Variants in LTBP1 observed in about 807,000 individuals in gnomAD.
LTBP1 encodes the protein latent transforming growth factor beta binding protein 1, also known as latent-transforming growth factor beta-binding protein 1.
In LTBP1, 129 loss-of-function variants were observed where a neutral mutation model predicts 207.6. The observed-to-expected ratio is 0.62, with a 90% CI of 0.54 to 0.72. The LOEUF is 0.72. Among genes scored for constraint, LTBP1 ranks in the 30% least tolerant of loss-of-function variants. The pLI is 0.00. For missense variants in LTBP1, 2,281 were observed against 2,217.2 expected (o/e 1.03, Z -0.58); for synonymous variants, 963 against 833.7 (o/e 1.16, Z -2.67).
chr2:33,217,954 G>C (rs1247733118), intron 8 of LTBP1, among the ~76,000 whole-genome samples: 3 of 152,118 alleles, frequency 2.0e-5, no homozygotes, highest in African/African-American at 2.4e-5. Flanking sequence ...GAGAAAATAA[G>C]ATCTCTTTTA....
chr2:33,047,073 T>C (rs1284195250), intron 3 of LTBP1, among the ~76,000 whole-genome samples: 1 of 152,188 alleles, frequency 6.6e-6, no homozygotes, highest in African/African-American at 2.4e-5. Context: ...GCTCCTGGAT[T>C]CATTGATTTT....
chr2:33,282,207 C>A (rs1204252138), intron 19 of LTBP1, among the ~76,000 whole-genome samples: 7 of 151,910 alleles, frequency 4.6e-5, no homozygotes, highest in Admixed American at 3.9e-4. Context: ...AGCCAAAGTC[C>A]CACATTTAGC....
At chr2:33,175,995 G>A (rs906199845) in intron 5 of LTBP1, among the ~76,000 whole-genome samples, 1 of 137,436 alleles carries the variant, frequency 7.3e-6, no homozygotes, top group Non-Finnish European at 1.6e-5. Context: ...TCACACTCTG[G>A]GGACTGTTGT....
intron 7 of LTBP1, among the ~76,000 whole-genome samples, chr2:33,207,214 A>G (rs1308372454): frequency 1.3e-5 from 2 of 152,170 alleles, no homozygotes; most frequent in Non-Finnish European, 2.9e-5. Flanking sequence ...TTCCCTTCAT[A>G]TGTGACTTTA....
intron 5 of LTBP1, among the ~76,000 whole-genome samples, chr2:33,149,895 T>G (rs552780198): frequency 1.3e-5 from 2 of 152,170 alleles, no homozygotes; most frequent in Non-Finnish European, 2.9e-5. Context: ...TCATCACACT[T>G]TCAAATAAAC....
intron 9 of LTBP1, among the ~76,000 whole-genome samples, chr2:33,222,406 A>G (rs376409429): frequency 9.8e-5 from 15 of 152,360 alleles, no homozygotes; most frequent in African/African-American, 3.4e-4. Flanking sequence ...TTTGGATCAC[A>G]TTAGAGAGCA....
At chr2:33,308,422 A>G (rs2094131803) in intron 22 of LTBP1, among the ~76,000 whole-genome samples, 1 of 152,168 alleles carries the variant, frequency 6.6e-6, no homozygotes, top group African/African-American at 2.4e-5. Flanking sequence ...AGTGACTTAA[A>G]CTAGGTTTTT....
intron 24 of LTBP1, among the ~76,000 whole-genome samples, chr2:33,333,202 A>G (rs2094516823): frequency 6.6e-6 from 1 of 152,160 alleles, no homozygotes; most frequent in East Asian, 1.9e-4. Flanking sequence ...GATTTTTAAA[A>G]AGCAGTGCAA....
At chr2:33,190,684 G>A (rs895810780) in intron 7 of LTBP1, among the ~76,000 whole-genome samples, 1 of 152,118 alleles carries the variant, frequency 6.6e-6, no homozygotes, top group Non-Finnish European at 1.5e-5. Context: ...ATTATAGAAC[G>A]ATGCAAATAT....
chr2:33,146,669 A>G (rs1052495275), intron 5 of LTBP1, among the ~76,000 whole-genome samples: 3 of 152,222 alleles, frequency 2.0e-5, no homozygotes, highest in Non-Finnish European at 4.4e-5. Flanking sequence ...AGGCCTCAGG[A>G]AGCTTACAAT....
intron 5 of LTBP1, among the ~76,000 whole-genome samples, chr2:33,170,453 G>C (rs957798875): frequency 1.3e-5 from 2 of 152,214 alleles, no homozygotes; most frequent in Non-Finnish European, 2.9e-5. Flanking sequence ...GGCTGGGGGA[G>C]GGGCGCCCGC....
chr2:33,310,775 A>G (rs922160823), intron 23 of LTBP1, among the ~76,000 whole-genome samples: 4 of 152,200 alleles, frequency 2.6e-5, no homozygotes, highest in Non-Finnish European at 4.4e-5. Flanking sequence ...CTGTATCCCA[A>G]CATTTTTAGC....
chr2:33,302,963 A>C (rs2094013598), intron 22 of LTBP1, among the ~76,000 whole-genome samples: 1 of 149,434 alleles, frequency 6.7e-6, no homozygotes, highest in Non-Finnish European at 1.5e-5. Context: ...ACACACACAC[A>C]CACACACACA....
At chr2:33,104,228 G>A (rs1445349075) in intron 3 of LTBP1, among the ~76,000 whole-genome samples, 1 of 152,118 alleles carries the variant, frequency 6.6e-6, no homozygotes, top group Non-Finnish European at 1.5e-5. Flanking sequence ...TTCTTTTAAG[G>A]AAAGCAGTTT....
At chr2:33,071,637 A>G (rs1242450584) in intron 3 of LTBP1, among the ~76,000 whole-genome samples, 1 of 26,554 alleles carries the variant, frequency 3.8e-5, no homozygotes, top group African/African-American at 4.2e-5. Flanking sequence ...CTAGGTTATG[A>G]TGTCGTAACA....
At chr2:33,228,669 A>G (rs930757008) in intron 9 of LTBP1, among the ~76,000 whole-genome samples, 12 of 142,342 alleles carry the variant, frequency 8.4e-5, no homozygotes, top group African/African-American at 3.1e-4. Flanking sequence ...TCACAAAGAT[A>G]GTTAATAAGC....
intron 15 of LTBP1, among the ~76,000 whole-genome samples, chr2:33,272,208 C>T (rs1283732036): frequency 6.6e-6 from 1 of 152,190 alleles, no homozygotes; most frequent in Non-Finnish European, 1.5e-5. Flanking sequence ...CAATTTAGGT[C>T]ATTTCCATAG....
At chr2:33,189,251 A>C (rs568511316) in intron 7 of LTBP1, among the ~76,000 whole-genome samples, 1 of 152,208 alleles carries the variant, frequency 6.6e-6, no homozygotes, top group Admixed American at 6.5e-5. Flanking sequence ...GCTGGAGTGC[A>C]GTGGCACGAT....
chr2:33,122,548 T>C (rs1327344349), intron 4 of LTBP1, among the ~76,000 whole-genome samples: 1 of 152,212 alleles, frequency 6.6e-6, no homozygotes, highest in African/African-American at 2.4e-5. Flanking sequence ...GAAATTAGAT[T>C]AATCAGAATC....
Sources: gnomAD v4.1 joint callset for allele counts (sites outside exome capture counted in the v4.1 genomes callset) on GRCh38, gnomAD v4.1.1 for gene constraint, MANE v1.5 for transcripts, NCBI Gene and HGNC (gene_info 2026-07-23, HGNC 2026-07-21) for gene names.